ABLIM2: variants seen among roughly 807,000 people sequenced by gnomAD.
ABLIM2 encodes actin-binding LIM protein 2.
A neutral mutation model predicts 97.7 loss-of-function variants in ABLIM2; 53 were observed. The ratio of observed to expected loss-of-function variants is 0.54; its 90% CI spans 0.44 to 0.68. The LOEUF (loss-of-function observed/expected upper bound fraction) is 0.68. ABLIM2 is among the 30% of genes least tolerant of loss of function. ABLIM2 has a pLI of 0.00. For missense variants in ABLIM2, 835 were observed against 867.2 expected (o/e 0.96, Z 0.47); for synonymous variants, 361 against 345.8 (o/e 1.04, Z -0.49).
At position 8,119,715 on chromosome 4, in the gene ABLIM2, G is replaced by T. The variant is rs141294218; in HGVS notation, c.11-13078C>A. Among the ~76,000 whole-genome samples the T allele has an allele frequency of 2.6e-4, 40 of 152,270 alleles. 1 individual carries two copies. In the Middle Eastern group the frequency reaches 0.014, roughly 52 times the overall value. ...TTTGCACAGTGCTGCAAATAACAGT[G>T]ACACTGTCTTTTAAAAAACAAACAA... On this transcript the variant is annotated intron_variant, in intron 1 of 20. Transcript: ENST00000447017.
chr4:8,106,697 C>A, intron 1 of ABLIM2, 60 bp from the exon 2 acceptor site: 1 of 1,540,728 alleles, frequency 6.5e-7, no homozygotes, highest in Non-Finnish European at 8.7e-7. Context: ...CAAAGGTGAG[C>A]AAAGCAGGCG....
chr4:7,986,429 G>T lies in ABLIM2; in HGVS notation c.1681-1536C>A, dbSNP rs77004921. Among the ~76,000 whole-genome samples the T allele has an allele frequency of 0.017, 2,622 of 152,240 alleles. 251 individuals are homozygous for T. The East Asian group carries it at 0.3, about 18-fold the overall frequency. On this transcript the variant is annotated intron_variant, in intron 17 of 20. Coordinates refer to ENST00000447017, the MANE Select transcript of ABLIM2 (RefSeq NM_001130083.2). The surrounding 1 kb of genome is among the most constrained non-coding windows in gnomAD (Gnocchi z 4.3). ...GAGGGCTAGAGTCAGGCTCACGAGT[G>T]GGGTAAGCACCCAGGCAGAGGACTG...
intron 8 of ABLIM2, among the ~76,000 whole-genome samples, chr4:8,052,347 G>A (rs1796557961): frequency 6.6e-6 from 1 of 152,204 alleles, no homozygotes; most frequent in South Asian, 2.1e-4. Context: ...GGCTTGCTGA[G>A]GGAAGGGCTG....
At chr4:8,103,645 C>G (rs1005029284) in intron 2 of ABLIM2, among the ~76,000 whole-genome samples, 1 of 152,204 alleles carries the variant, frequency 6.6e-6, no homozygotes, top group Non-Finnish European at 1.5e-5. Flanking sequence ...CCTGGGTCAG[C>G]CTGCCATTGA....
intron 10 of ABLIM2, among the ~76,000 whole-genome samples, chr4:8,035,775 G>A (rs1784151792): frequency 6.6e-6 from 1 of 152,244 alleles, no homozygotes; most frequent in Admixed American, 6.5e-5. Context: ...CACGGGCCAA[G>A]AGTCCGCTAC....
At chr4:7,993,212 G>C (rs1578137317) in intron 16 of ABLIM2, among the ~76,000 whole-genome samples, 1 of 152,242 alleles carries the variant, frequency 6.6e-6, no homozygotes, top group Non-Finnish European at 1.5e-5. Flanking sequence ...TCGGGCCTGG[G>C]CACCACCTGG....
At chr4:8,029,585 C>CAAAAA in intron 11 of ABLIM2, 71 bp downstream of exon 11, 2 of 909,834 alleles carry the variant, frequency 2.2e-6, no homozygotes, top group Admixed American at 6.0e-5. Context: ...AAAAAAAAAA[C>CAAAAA]TAAAAAAAAA....
Position 8,091,929 on chromosome 4 carries a change from ATAT to A in ABLIM2, c.339-3648_339-3646del, listed in dbSNP as rs1332790825. On this transcript the variant is annotated intron_variant, in intron 3 of 20. Transcript: ENST00000447017. ...AATATATTGTTATAATATATAATGTATATTATAATATATAATACATATTATAAT... is the reference window on the plus strand; with the variant it reads ...AATATATTGTTATAATATATAATGTATATAATATATAATACATATTATAAT... Among the ~76,000 whole-genome samples the A allele has an allele frequency of 2.2e-4, 27 of 122,172 alleles. No homozygotes were observed. The South Asian group carries it at 5.6e-3, about 25-fold the overall frequency. The allele number at this position is 122,172 out of a possible 152,430, so 80.1% of individuals were successfully genotyped here.
rs879345562 is a variant in ABLIM2, at chr4:8,044,228, G to A, written c.900+936C>T. ...TGAAGAACCCAGGTCCTGGCCTGGCGGGGACGGGGAGGGGAGAAGGGGCTT... is the reference window on the plus strand; with the variant it reads ...TGAAGAACCCAGGTCCTGGCCTGGCAGGGACGGGGAGGGGAGAAGGGGCTT... On this transcript the variant is annotated intron_variant, in intron 9 of 20. Coordinates refer to ENST00000447017, the MANE Select transcript of ABLIM2 (RefSeq NM_001130083.2). This position sits in a 1 kb window ranked among gnomAD's most constrained non-coding sequence, Gnocchi z 4.4. 1.3e-5 allele frequency among the ~76,000 whole-genome samples: 2 copies of A among 152,112 alleles called. No individual in the cohort carries two copies. The highest frequency in any genetic ancestry group is 2.9e-5 in the Non-Finnish European group (2 of 68,028).
intron 1 of ABLIM2, among the ~76,000 whole-genome samples, chr4:8,119,159 T>C (rs1395418672): frequency 6.6e-6 from 1 of 152,000 alleles, no homozygotes; most frequent in African/African-American, 2.4e-5. Flanking sequence ...CCTGGCACGA[T>C]CACTGGTCTC....
In ABLIM2 at chr4:8,046,558, C is replaced by T. The variant is rs1201494203; in HGVS notation, c.823-1317G>A. Reference sequence around the variant, plus strand: ...TGGTTTCCCACCCCGACCACAGCCCCCACTGCAGCTCCCTCCTCTCATTTT... The same window carrying T: ...TGGTTTCCCACCCCGACCACAGCCCTCACTGCAGCTCCCTCCTCTCATTTT... On this transcript the variant is annotated intron_variant, in intron 8 of 20. Transcript: ENST00000447017. The surrounding 1 kb of genome is among the most constrained non-coding windows in gnomAD (Gnocchi z 4.4). Among the ~76,000 whole-genome samples the T allele has an allele frequency of 6.6e-6, 1 of 152,200 alleles. No individual in the cohort carries two copies. Among genetic ancestry groups the T allele is most frequent in the Non-Finnish European group, 1.5e-5 (1 of 68,036 alleles).
At chr4:8,020,147 T>TTC in intron 13 of ABLIM2, 55 bp downstream of exon 13, 1 of 1,531,248 alleles carries the variant, frequency 6.5e-7, no homozygotes, top group Non-Finnish European at 8.9e-7. Context: ...TGTGGCCAGT[T>TTC]TCGGTGTGGA....
rs752221759 is a variant in ABLIM2, at chr4:7,996,178, C to T, written c.1619-3251G>A. 3.3e-5 allele frequency among the ~76,000 whole-genome samples: 5 copies of T among 152,204 alleles called. No individual in the cohort carries two copies. Among genetic ancestry groups the T allele is most frequent in the African/African-American group, 9.7e-5 (4 of 41,448 alleles). ...GCAGCCCCAACCTTGCCAGGGAACT[C>T]GTCAGAAATGCAAATTAGTGGGCCC... On this transcript the variant is annotated intron_variant, in intron 16 of 20. Coordinates refer to ENST00000447017, the MANE Select transcript of ABLIM2 (RefSeq NM_001130083.2). The surrounding 1 kb of genome is among the most constrained non-coding windows in gnomAD (Gnocchi z 4.5).
Position 8,033,597 on chromosome 4 carries a change from G to A in ABLIM2, c.1047+2552C>T, listed in dbSNP as rs976295793. On this transcript the variant is annotated intron_variant, in intron 10 of 20. Coordinates refer to ENST00000447017, the MANE Select transcript of ABLIM2 (RefSeq NM_001130083.2). The surrounding 1 kb of genome is among the most constrained non-coding windows in gnomAD (Gnocchi z 4.5). ...GCTGAGAGCGGAAGCTCACACACAGGTGCCACTGTTTAGCAGAGCGGGAGG... is the reference window on the plus strand; with the variant it reads ...GCTGAGAGCGGAAGCTCACACACAGATGCCACTGTTTAGCAGAGCGGGAGG... Among the ~76,000 whole-genome samples the A allele has an allele frequency of 2.6e-5, 4 of 152,186 alleles. No individual in the cohort carries two copies. The highest frequency in any genetic ancestry group is 4.4e-5 in the Non-Finnish European group (3 of 68,020).
At position 8,140,514 on chromosome 4, in the gene ABLIM2, G is replaced by C. The variant is rs1251416192; in HGVS notation, c.10+18166C>G. ...TGGGGGAAAGGGGGCAGTGACACGG[G>C]GGCCTTGCCTGCATGTGGGAGCCAC... On this transcript the variant is annotated intron_variant, in intron 1 of 20. Transcript: ENST00000447017. The surrounding 1 kb of genome is among the most constrained non-coding windows in gnomAD (Gnocchi z 5.9). 6.6e-6 allele frequency among the ~76,000 whole-genome samples: 1 copy of C among 152,158 alleles called. No homozygotes were observed. The highest frequency in any genetic ancestry group is 1.5e-5 in the Non-Finnish European group (1 of 68,016).
rs1418693499 is a variant in ABLIM2 at position 8,125,411 on chromosome 4, T to G, written c.11-18774A>C. On this transcript the variant is annotated intron_variant, in intron 1 of 20. Transcript: ENST00000447017. The surrounding 1 kb of genome is among the most constrained non-coding windows in gnomAD (Gnocchi z 6.2). ...GAATTGCATCTATGTGACTGCTAGT[T>G]TTAATTGTGGATACCCTTGCTTCGC... Among the ~76,000 whole-genome samples the G allele has an allele frequency of 6.6e-6, 1 of 152,234 alleles. No homozygotes were observed. The highest frequency in any genetic ancestry group is 1.5e-5 in the Non-Finnish European group (1 of 68,048).
intron 3 of ABLIM2, among the ~76,000 whole-genome samples, chr4:8,092,477 C>A (rs116754462): frequency 5.3e-5 from 8 of 152,102 alleles, no homozygotes; most frequent in African/African-American, 1.7e-4. Flanking sequence ...AACAGAATGG[C>A]GTATGACAAA....
chr4:8,119,872 G>C (rs1387230063), intron 1 of ABLIM2, among the ~76,000 whole-genome samples: 1 of 152,164 alleles, frequency 6.6e-6, no homozygotes, highest in African/African-American at 2.4e-5. Context: ...CAGGGGAGGG[G>C]TTCCCAGCCC....
At position 8,005,787 on chromosome 4, in the gene ABLIM2, A is replaced by G. The variant is rs989740201; in HGVS notation, c.1618+2272T>C. On this transcript the variant is annotated intron_variant, in intron 16 of 20. Coordinates refer to ENST00000447017, the MANE Select transcript of ABLIM2 (RefSeq NM_001130083.2). The surrounding 1 kb of genome is among the most constrained non-coding windows in gnomAD (Gnocchi z 4.9). ...TTCCTGCTCAGAGGAAGTGGATGTT[A>G]GCACACCAGGAGAAAGCGAAGGAAG... 2.0e-5 allele frequency among the ~76,000 whole-genome samples: 3 copies of G among 152,256 alleles called. No homozygotes were observed. The highest frequency in any genetic ancestry group is 4.4e-5 in the Non-Finnish European group (3 of 68,038).
Sources: gnomAD v4.1 joint callset for allele counts (sites outside exome capture counted in the v4.1 genomes callset) on GRCh38, gnomAD v4.1.1 for gene constraint, Gnocchi (gnomAD v3.1) non-coding constraint, MANE v1.5 for transcripts, NCBI Gene and HGNC (gene_info 2026-07-23, HGNC 2026-07-21) for gene names.